KCNU1: variants seen among roughly 807,000 people sequenced by gnomAD.
KCNU1 encodes potassium calcium-activated channel subfamily U member 1, also known as potassium channel subfamily U member 1.
Under a neutral mutation model 126.8 loss-of-function variants are expected in KCNU1, and 93 were observed. That is an observed-to-expected ratio of 0.73 (90% CI 0.62 to 0.87). The LOEUF (loss-of-function observed/expected upper bound fraction) is 0.87, where lower values mean the gene tolerates loss of function less well. KCNU1 is among the 40% of genes least tolerant of loss of function. KCNU1 has a pLI of 0.00. For missense variants in KCNU1, 1,330 were observed against 1,367.1 expected, an observed-to-expected ratio of 0.97 and a Z score of 0.43; for synonymous variants, 523 against 494.2, an observed-to-expected ratio of 1.06 and a Z score of -0.77.
intron 3 of KCNU1, among the ~76,000 whole-genome samples, chr8:36,804,580 CCTT>C (rs1170440973): frequency 6.6e-6 from 1 of 152,156 alleles, no homozygotes; most frequent in East Asian, 1.9e-4. Flanking sequence ...AGCATCCCCT[CCTT>C]ATTTTTCAGG....
At chr8:36,912,164 G>A (rs1360905471) in intron 22 of KCNU1, among the ~76,000 whole-genome samples, 2 of 152,184 alleles carry the variant, frequency 1.3e-5, no homozygotes, top group African/African-American at 4.8e-5. Flanking sequence ...CATGGCACTT[G>A]AAGAGGTTAG....
At chr8:36,843,321 G>C (rs1384827958) in intron 16 of KCNU1, among the ~76,000 whole-genome samples, 9 of 152,138 alleles carry the variant, frequency 5.9e-5, no homozygotes, top group African/African-American at 1.7e-4. Context: ...CTTCTCACTG[G>C]GAAGTCTGGT....
At position 36,932,931 on chromosome 8, in the gene KCNU1, C is replaced by G. The variant is rs562140984; in HGVS notation, c.2943C>G (p.Thr981=). ...TCTTCTCTCCCCAGCCAAGAAACAC[C>G]TTTGGACAACTGTTCTGTGGCTCAT... ...TILSDVNPRN[T]FGQLFCGSLD... The change falls in exon 26 of 27, where the codon ACC becomes ACG. Residue 981 remains threonine (T), a synonymous_variant. Coordinates refer to ENST00000399881, the MANE Select transcript of KCNU1 (RefSeq NM_001031836.3). 8.3e-6 allele frequency: 13 copies of G among 1,565,370 alleles called. No homozygotes were observed. In the African/African-American group the frequency reaches 1.2e-4, roughly 15 times the overall value.
At chr8:36,926,983 A>G (rs923642720) in intron 24 of KCNU1, among the ~76,000 whole-genome samples, 1 of 152,072 alleles carries the variant, frequency 6.6e-6, no homozygotes, top group East Asian at 1.9e-4. Context: ...TATATTTTCA[A>G]CTGGATATTA....
At chr8:36,790,991 G>T (rs1270918552) in intron 2 of KCNU1, among the ~76,000 whole-genome samples, 1 of 138,924 alleles carries the variant, frequency 7.2e-6, no homozygotes. Flanking sequence ...AGGAAAATAG[G>T]AAGATGGAAA....
At chr8:36,823,058 T>A (rs1316690734) in intron 10 of KCNU1, among the ~76,000 whole-genome samples, 1 of 152,148 alleles carries the variant, frequency 6.6e-6, no homozygotes, top group Non-Finnish European at 1.5e-5. Context: ...GAGGCATGCA[T>A]GTGAGTGTTG....
chr8:36,799,268 A>G (rs1803215226), intron 2 of KCNU1, among the ~76,000 whole-genome samples: 1 of 151,938 alleles, frequency 6.6e-6, no homozygotes, highest in Admixed American at 6.6e-5. Context: ...ATGTTTTTAT[A>G]TTTTCCAATA....
At chr8:36,802,807 A>G (rs1803360610) in intron 2 of KCNU1, among the ~76,000 whole-genome samples, 1 of 152,104 alleles carries the variant, frequency 6.6e-6, no homozygotes, top group Non-Finnish European at 1.5e-5. Context: ...TTTGCATATT[A>G]ATTATCTTCA....
At chr8:36,818,732 T>C (rs560688200) in intron 10 of KCNU1, among the ~76,000 whole-genome samples, 1 of 152,346 alleles carries the variant, frequency 6.6e-6, no homozygotes, top group Admixed American at 6.5e-5. Context: ...CTCCATCTTC[T>C]GGCACTGTGT....
chr8:36,916,159 G>A (rs1808095998), intron 22 of KCNU1, among the ~76,000 whole-genome samples: 1 of 147,232 alleles, frequency 6.8e-6, no homozygotes, highest in Non-Finnish European at 1.5e-5. Flanking sequence ...AAGAAGGGAG[G>A]GGAAAGGAAA....
intron 18 of KCNU1, among the ~76,000 whole-genome samples, chr8:36,862,879 C>A (rs983384180): frequency 9.9e-5 from 15 of 152,140 alleles, no homozygotes; most frequent in African/African-American, 3.4e-4. Context: ...TCCATCACAA[C>A]CAGCCAGCCT....
chr8:36,791,806 C>T (rs1223374714), intron 2 of KCNU1, among the ~76,000 whole-genome samples: 1 of 152,156 alleles, frequency 6.6e-6, no homozygotes, highest in East Asian at 1.9e-4. Context: ...TCAGTCTCTT[C>T]ATATTTTATA....
At position 36,836,302 on chromosome 8, in the gene KCNU1, C is replaced by G. The variant is rs747659213; in HGVS notation, c.1302C>G (p.Leu434=). The stretch of plus-strand genomic sequence containing the variant: ...GTGTTTGGGGTTTATATAGGGTGCT[C>G]TCTATCAAGAACTATGATTCTACCA... ...AEDISNIMRV[L]SIKNYDSTTR... The change falls in exon 13 of 27, where the codon CTC becomes CTG. Residue 434 remains leucine, a synonymous_variant. Coordinates refer to ENST00000399881, the MANE Select transcript of KCNU1 (RefSeq NM_001031836.3). 17 of 1,602,268 alleles carry G rather than the reference C, an allele frequency of 1.1e-5. No homozygotes were observed. Among genetic ancestry groups the G allele is most frequent in the Admixed American group, 3.3e-5 (2 of 59,964 alleles).
chr8:36,896,140 G>T (rs1331064620), intron 19 of KCNU1, among the ~76,000 whole-genome samples: 3 of 151,754 alleles, frequency 2.0e-5, no homozygotes. Context: ...TATAATTTAA[G>T]AAATTTAAAT....
intron 19 of KCNU1, among the ~76,000 whole-genome samples, chr8:36,892,305 TG>T (rs1806994116): frequency 1.3e-5 from 2 of 152,174 alleles, no homozygotes; most frequent in East Asian, 1.9e-4. Context: ...AATTTCCATT[TG>T]TTTTTTTCTT....
At chr8:36,800,901 A>G (rs1803279168) in intron 2 of KCNU1, among the ~76,000 whole-genome samples, 1 of 152,132 alleles carries the variant, frequency 6.6e-6, no homozygotes, top group African/African-American at 2.4e-5. Context: ...CTGAGTGTGC[A>G]CCAATGTGCT....
chr8:36,935,965 T>G lies in KCNU1; in HGVS notation c.*45T>G. The G allele has an allele frequency of 6.8e-7, 1 of 1,471,504 alleles. No homozygotes were observed. Among genetic ancestry groups the G allele is most frequent in the Non-Finnish European group, 9.1e-7 (1 of 1,095,638 alleles). The allele number at this position is 1,471,504 out of a possible 1,614,324, so 91.2% of individuals were successfully genotyped here. Reference sequence around the variant, plus strand: ...GTGCTCTTAACTTGCTGCTTACAAATCATCTCCTGAGATGCTAACTTTGAA... The same window carrying G: ...GTGCTCTTAACTTGCTGCTTACAAAGCATCTCCTGAGATGCTAACTTTGAA... On this transcript the variant is annotated 3_prime_UTR_variant, in exon 27 of 27. Coordinates refer to ENST00000399881, the MANE Select transcript of KCNU1 (RefSeq NM_001031836.3).
intron 23 of KCNU1, 55 bp downstream of exon 23, chr8:36,918,952 TTATG>T: frequency 9.0e-7 from 1 of 1,116,026 alleles, no homozygotes; most frequent in Non-Finnish European, 1.4e-6. Flanking sequence ...GATATATAAT[TTATG>T]TTCCAAGGAT....
intron 2 of KCNU1, among the ~76,000 whole-genome samples, chr8:36,796,251 C>G (rs929503889): frequency 7.9e-5 from 12 of 152,006 alleles, no homozygotes. Context: ...ATTTATGGTC[C>G]AAGAATGTCA....
Sources: gnomAD v4.1 joint callset for allele counts (sites outside exome capture counted in the v4.1 genomes callset) on GRCh38, gnomAD v4.1.1 for gene constraint, MANE v1.5 for transcripts, NCBI Gene and HGNC (gene_info 2026-07-23, HGNC 2026-07-21) for gene names.